Variants in TASP1 observed in about 807,000 individuals in gnomAD.
The protein encoded by TASP1 is taspase 1.
In TASP1, 16 loss-of-function variants were observed where a neutral mutation model predicts 56.6. The ratio of observed to expected loss-of-function variants is 0.28; its 90% CI spans 0.19 to 0.43. The LOEUF (loss-of-function observed/expected upper bound fraction) is 0.43. Among genes scored for constraint, TASP1 ranks in the 20% least tolerant of loss-of-function variants. TASP1 has a pLI of 1.00. For missense variants in TASP1, 393 were observed against 511.6 expected (o/e 0.77, Z 2.24); for synonymous variants, 179 against 184.2 (o/e 0.97, Z 0.23).
At chr20:13,484,794 G>A (rs1401751908) in intron 10 of TASP1, among the ~76,000 whole-genome samples, 3 of 150,728 alleles carry the variant, frequency 2.0e-5, no homozygotes, top group East Asian at 1.9e-4. Flanking sequence ...GGAATACTAC[G>A]CAGCCATAAA....
the TASP1 span, among the ~76,000 whole-genome samples, chr20:13,309,885 T>A: frequency 6.6e-6 from 1 of 152,140 alleles, no homozygotes; most frequent in South Asian, 2.1e-4. Context: ...TTTAACCAAA[T>A]GGATGAAAGA....
At chr20:13,129,657 A>G in the TASP1 span, among the ~76,000 whole-genome samples, 1 of 152,222 alleles carries the variant, frequency 6.6e-6, no homozygotes, top group Non-Finnish European at 1.5e-5. Flanking sequence ...GTTGCTTTAC[A>G]TGTATGCAAC....
At chr20:13,420,240 T>C (rs1048533653) in intron 12 of TASP1, among the ~76,000 whole-genome samples, 1 of 152,222 alleles carries the variant, frequency 6.6e-6, no homozygotes, top group Non-Finnish European at 1.5e-5. Context: ...CCTATAAATG[T>C]AGTCTGCTTT....
At chr20:13,108,577 C>CT in the TASP1 span, among the ~76,000 whole-genome samples, 2 of 151,298 alleles carry the variant, frequency 1.3e-5, no homozygotes, top group East Asian at 1.9e-4. Flanking sequence ...TTAGATTTAT[C>CT]TTTTTTTTTC....
the TASP1 span, among the ~76,000 whole-genome samples, chr20:13,373,942 C>G: frequency 1.3e-5 from 2 of 151,740 alleles, no homozygotes; most frequent in African/African-American, 4.8e-5. Context: ...ATTTTATTTT[C>G]TCACTGTTCT....
the TASP1 span, among the ~76,000 whole-genome samples, chr20:13,337,607 T>C: frequency 2.0e-5 from 3 of 152,222 alleles, no homozygotes; most frequent in South Asian, 2.1e-4. Flanking sequence ...GGAATTCACA[T>C]GTGGCAGGCT....
At chr20:13,637,632 T>TG (rs1367499383) in intron 1 of TASP1, among the ~76,000 whole-genome samples, 2 of 152,150 alleles carry the variant, frequency 1.3e-5, no homozygotes, top group Non-Finnish European at 2.9e-5. Flanking sequence ...ACCAGACAAG[T>TG]GAGGCCATAT....
chr20:13,581,099 G>A (rs1020342379), intron 5 of TASP1, 118 bp from the exon 6 acceptor site: 27 of 847,852 alleles, frequency 3.2e-5, no homozygotes, highest in African/African-American at 6.9e-5. Flanking sequence ...ATTCTTTTTC[G>A]ATATATCAAA....
At chr20:13,246,577 A>G in the TASP1 span, among the ~76,000 whole-genome samples, 1 of 152,242 alleles carries the variant, frequency 6.6e-6, no homozygotes, top group South Asian at 2.1e-4. Context: ...TGCCTTCACC[A>G]CATTTAAGGA....
intron 6 of TASP1, among the ~76,000 whole-genome samples, chr20:13,579,984 A>T (rs983675846): frequency 1.3e-5 from 2 of 152,228 alleles, no homozygotes; most frequent in Non-Finnish European, 2.9e-5. Context: ...ACATTAATGT[A>T]ACCTCCACAA....
At chr20:13,241,000 C>T in the TASP1 span, among the ~76,000 whole-genome samples, 1 of 152,052 alleles carries the variant, frequency 6.6e-6, no homozygotes, top group Admixed American at 6.6e-5. Context: ...AGTGAGGTGT[C>T]ATGATGAAAG....
intron 6 of TASP1, among the ~76,000 whole-genome samples, chr20:13,580,029 GTAT>G (rs1269958268): frequency 6.6e-6 from 1 of 152,162 alleles, no homozygotes; most frequent in Non-Finnish European, 1.5e-5. Context: ...GTGTGACAAG[GTAT>G]TAAAGCATAA....
chr20:13,153,992 T>C, the TASP1 span: 2 of 1,612,932 alleles, frequency 1.2e-6, no homozygotes, highest in Non-Finnish European at 8.5e-7. Context: ...TTCACGCCTG[T>C]CTCTTTTCAG....
intron 4 of TASP1, among the ~76,000 whole-genome samples, chr20:13,590,101 G>T (rs924366605): frequency 6.6e-6 from 1 of 152,026 alleles, no homozygotes; most frequent in African/African-American, 2.4e-5. Flanking sequence ...ACATGGTGGT[G>T]GTCATCTGTA....
chr20:13,569,397 T>C (rs1048758759), intron 7 of TASP1, 110 bp downstream of exon 7: 2 of 769,576 alleles, frequency 2.6e-6, no homozygotes, highest in African/African-American at 3.6e-5. Context: ...TCTTTCAACA[T>C]ATAAGTATTC....
the TASP1 span, among the ~76,000 whole-genome samples, chr20:13,382,379 G>A: frequency 7.2e-5 from 11 of 152,298 alleles, no homozygotes; most frequent in South Asian, 2.1e-3. Context: ...AGGTGCGGTG[G>A]CTCACACCTG....
At chr20:13,127,007 C>T in the TASP1 span, among the ~76,000 whole-genome samples, 14 of 152,344 alleles carry the variant, frequency 9.2e-5, no homozygotes, top group South Asian at 2.3e-3. Context: ...TGTGCGCGCA[C>T]GTGAGCGTGC....
chr20:13,534,064 G>A lies in TASP1; in HGVS notation c.753C>T (p.Ser251=). Residue 251 remains serine (S), a synonymous_variant, in exon 9 of 14, where the codon TCC becomes TCT. Transcript: ENST00000337743. ...DHEGNVAAAV[S]SGGLALKHPG... Reference sequence around the variant, plus strand: ...GATGTTTCAAGGCCAAGCCTCCACTGGAGACAGCAGCAGCAACATTCCCTT... The same window carrying A: ...GATGTTTCAAGGCCAAGCCTCCACTAGAGACAGCAGCAGCAACATTCCCTT... 2 of 1,613,612 alleles carry A rather than the reference G, an allele frequency of 1.2e-6. No homozygotes were observed. The highest frequency in any genetic ancestry group is 1.7e-5 in the Admixed American group (1 of 59,990).
At chr20:13,361,679 A>G in the TASP1 span, among the ~76,000 whole-genome samples, 2 of 151,938 alleles carry the variant, frequency 1.3e-5, no homozygotes, top group African/African-American at 4.8e-5. Context: ...TGTCATCCCT[A>G]CTATCTTCTG....
Sources: allele counts gnomAD v4.1 joint callset (sites outside exome capture counted in the v4.1 genomes callset), GRCh38; gene constraint gnomAD v4.1.1; transcripts MANE v1.5; gene names NCBI Gene and HGNC (gene_info 2026-07-23, HGNC 2026-07-21).